The following PAN3 variants were observed in gnomAD, a reference collection of about 807,000 sequenced individuals.
PAN3 encodes PAN2-PAN3 deadenylation complex subunit PAN3.
A neutral mutation model predicts 96.2 loss-of-function variants in PAN3; 19 were observed. The observed-to-expected ratio is 0.20, with a 90% CI of 0.14 to 0.29. PAN3 has a LOEUF of 0.29. PAN3 is among the 10% of genes least tolerant of loss of function. The pLI is 1.00. For synonymous variants in PAN3, 433 were observed against 406.6 expected (o/e 1.06, Z -0.78); for missense variants, 882 against 1,108.1 (o/e 0.80, Z 2.90).
At chr13:28,244,226 T>C (rs1470674551) in intron 6 of PAN3, among the ~76,000 whole-genome samples, 1 of 152,214 alleles carries the variant, frequency 6.6e-6, no homozygotes, top group Non-Finnish European at 1.5e-5. Flanking sequence ...TAGCAATTTT[T>C]GTCTCTTGAA....
At chr13:28,211,331 G>C (rs908684499) in intron 5 of PAN3, among the ~76,000 whole-genome samples, 5 of 152,226 alleles carry the variant, frequency 3.3e-5, no homozygotes, top group African/African-American at 1.2e-4. Flanking sequence ...CATTGCTGTT[G>C]CCTAGTCACT....
rs528910573 is a variant in PAN3 at position 28,227,885 on chromosome 13, T to G, written c.1000+7507T>G. Among the ~76,000 whole-genome samples, 22 of 152,276 alleles carry G rather than the reference T, an allele frequency of 1.4e-4. No homozygotes were observed. The East Asian group carries it at 4.0e-3, about 28-fold the overall frequency. ...GAGTTTTGTTTCAGCAAATGTAAGATTAGAGTCTGGGGTGAATCAGAGTAT... is the reference window on the plus strand; with the variant it reads ...GAGTTTTGTTTCAGCAAATGTAAGAGTAGAGTCTGGGGTGAATCAGAGTAT... On this transcript the variant is annotated intron_variant, in intron 6 of 18. Coordinates refer to ENST00000380958, the MANE Select transcript of PAN3 (RefSeq NM_175854.8).
intron 1 of PAN3, among the ~76,000 whole-genome samples, chr13:28,172,505 A>G (rs1266856164): frequency 6.6e-6 from 1 of 152,144 alleles, no homozygotes; most frequent in African/African-American, 2.4e-5. Flanking sequence ...ACAGTTTATT[A>G]TGGAAAATTT....
intron 12 of PAN3, 131 bp from the exon 13 acceptor site, chr13:28,270,570 C>A: frequency 1.1e-6 from 1 of 898,262 alleles, no homozygotes; most frequent in South Asian, 1.9e-5. Context: ...CACATACATA[C>A]ACACACATAT....
At chr13:28,199,554 T>C (rs1398507023) in intron 5 of PAN3, among the ~76,000 whole-genome samples, 1 of 152,182 alleles carries the variant, frequency 6.6e-6, no homozygotes, top group Non-Finnish European at 1.5e-5. Context: ...TGTTTCACTT[T>C]ACCAGGCACA....
intron 14 of PAN3, among the ~76,000 whole-genome samples, chr13:28,272,591 CAG>C (rs1347116911): frequency 6.8e-6 from 1 of 146,958 alleles, no homozygotes; most frequent in Non-Finnish European, 1.5e-5. Context: ...TTTTTTGAGG[CAG>C]AGTTTCACTC....
rs759039237 is a variant in PAN3 at position 28,293,585 on chromosome 13, G to T, written c.*1063G>T. ...TACAGCCTGAATTTGGAGGGATAAC[G>T]ATCTGCTGTGCCTTTGCAGTCACTG... On this transcript the variant is annotated 3_prime_UTR_variant, in exon 19 of 19. Transcript: ENST00000380958. The T allele has an allele frequency of 6.6e-6, 1 of 152,320 alleles. No homozygotes were observed. The highest frequency in any genetic ancestry group is 1.5e-5 in the Non-Finnish European group (1 of 67,982). 9.4% of individuals were successfully genotyped at this position (152,320 alleles called of 1,614,324 possible). A position where few individuals can be genotyped will look rare whatever the true frequency, so the allele number is the denominator to read the frequency against.
rs759736683 is a variant in PAN3, at chr13:28,141,462, C to CTTTTTTTTTTTTTTTT, written c.430+2382_430+2397dup. Among the ~76,000 whole-genome samples the CTTTTTTTTTTTTTTTT allele has an allele frequency of 2.8e-4, 25 of 90,314 alleles. 1 individual carries two copies. Among genetic ancestry groups the CTTTTTTTTTTTTTTTT allele is most frequent in the East Asian group, 6.6e-4 (2 of 3,052 alleles). The allele number at this position is 90,314 out of a possible 152,430, so 59.2% of individuals were successfully genotyped here. A position where few individuals can be genotyped will look rare whatever the true frequency, so the allele number is the denominator to read the frequency against. The stretch of plus-strand genomic sequence containing the variant: ...TCTAGGATTTTCTTTTTCTTTTTTT[C>CTTTTTTTTTTTTTTTT]TTTTTTTTTTTTTTTTTTTTTTGAG... On this transcript the variant is annotated intron_variant, in intron 1 of 18. Transcript: ENST00000380958.
intron 4 of PAN3, among the ~76,000 whole-genome samples, chr13:28,188,476 G>T (rs563356010): frequency 2.0e-5 from 3 of 152,100 alleles, no homozygotes; most frequent in Non-Finnish European, 4.4e-5. Context: ...TGGTGTGCAC[G>T]CATAGTGCCA....
intron 7 of PAN3, among the ~76,000 whole-genome samples, chr13:28,258,699 A>G (rs2138603971): frequency 6.6e-6 from 1 of 152,294 alleles, no homozygotes; most frequent in African/African-American, 2.4e-5. Flanking sequence ...GTTGCTTTCA[A>G]AAAGTGGCGA....
intron 4 of PAN3, among the ~76,000 whole-genome samples, chr13:28,185,046 C>T (rs1055827803): frequency 2.6e-5 from 4 of 152,108 alleles, no homozygotes; most frequent in African/African-American, 9.7e-5. Flanking sequence ...GAAATCTCTG[C>T]TCTAATGAGT....
intron 12 of PAN3, among the ~76,000 whole-genome samples, chr13:28,269,730 T>G (rs1367651416): frequency 6.6e-6 from 1 of 152,160 alleles, no homozygotes; most frequent in Non-Finnish European, 1.5e-5. Flanking sequence ...TTTTTGAGCC[T>G]TCTTACACAT....
At chr13:28,277,477 C>G in intron 15 of PAN3, 101 bp downstream of exon 15, 2 of 1,179,314 alleles carry the variant, frequency 1.7e-6, no homozygotes, top group South Asian at 3.0e-5. Context: ...TATTTAAAAT[C>G]AAGCAAAACA....
chr13:28,162,650 A>G (rs531211973), intron 1 of PAN3, among the ~76,000 whole-genome samples: 16 of 152,034 alleles, frequency 1.1e-4, no homozygotes, highest in African/African-American at 3.4e-4. Context: ...CTGCCTTAAA[A>G]AAAAAAAAGC....
At chr13:28,145,924 G>A (rs1023501329) in intron 1 of PAN3, among the ~76,000 whole-genome samples, 24 of 151,226 alleles carry the variant, frequency 1.6e-4, no homozygotes, top group African/African-American at 5.1e-4. Context: ...GCGCCACCAC[G>A]CCCAGCTAAT....
intron 15 of PAN3, among the ~76,000 whole-genome samples, chr13:28,279,998 C>T (rs1043334168): frequency 2.0e-5 from 3 of 151,704 alleles, no homozygotes; most frequent in African/African-American, 4.8e-5. Flanking sequence ...GGGGTTTCAC[C>T]GTGTTGGCCA....
chr13:28,211,094 T>A (rs1468986123), intron 5 of PAN3, among the ~76,000 whole-genome samples: 2 of 151,778 alleles, frequency 1.3e-5, no homozygotes, highest in African/African-American at 4.8e-5. Flanking sequence ...AGAGAGAGTG[T>A]CTCTTCTTGT....
At position 28,199,287 on chromosome 13, in the gene PAN3, G is replaced by A. The variant is rs117278470; in HGVS notation, c.852+1941G>A. On this transcript the variant is annotated intron_variant, in intron 5 of 18. Transcript: ENST00000380958. Reference sequence around the variant, plus strand: ...AGGTGTAGCCACTCGACCTCTCCACGACTGCCCCCATTATCCTGGTGGCAG... The same window carrying A: ...AGGTGTAGCCACTCGACCTCTCCACAACTGCCCCCATTATCCTGGTGGCAG... 2.8e-4 allele frequency among the ~76,000 whole-genome samples: 43 copies of A among 152,058 alleles called. 1 individual carries two copies. In the East Asian group the frequency reaches 8.1e-3, roughly 29 times the overall value.
chr13:28,233,527 A>G (rs762737813), intron 6 of PAN3, among the ~76,000 whole-genome samples: 12 of 152,094 alleles, frequency 7.9e-5, no homozygotes, highest in Non-Finnish European at 1.8e-4. Flanking sequence ...TCGGCCTCCC[A>G]AAGTGTTGGG....
Sources: allele counts gnomAD v4.1 joint callset (sites outside exome capture counted in the v4.1 genomes callset), GRCh38; gene constraint gnomAD v4.1.1; transcripts MANE v1.5; gene names NCBI Gene and HGNC (gene_info 2026-07-23, HGNC 2026-07-21).